Variants in LRRC4C observed in about 807,000 individuals in gnomAD.
LRRC4C encodes leucine-rich repeat-containing protein 4C.
In LRRC4C, 5 loss-of-function variants were observed where a neutral mutation model predicts 33.6. The ratio of observed to expected loss-of-function variants is 0.15; its 90% confidence interval spans 0.08 to 0.31. The LOEUF is 0.31. LRRC4C is among the 10% of genes least tolerant of loss of function. LRRC4C has a pLI of 1.00. For synonymous variants in LRRC4C, 329 were observed against 302.0 expected, an observed-to-expected ratio of 1.09 and a Z score of -0.93; for missense variants, 560 against 796.7, an observed-to-expected ratio of 0.70 and a Z score of 3.58.
At chr11:40,692,581 T>A (rs1043556432) in intron 2 of LRRC4C, among the ~76,000 whole-genome samples, 52 of 151,822 alleles carry the variant, frequency 3.4e-4, no homozygotes, top group African/African-American at 1.3e-3. Flanking sequence ...GAAAAGCCCT[T>A]TTTTTTTGCT....
intron 1 of LRRC4C, among the ~76,000 whole-genome samples, chr11:41,103,679 A>G (rs1941333473): frequency 6.6e-6 from 1 of 151,994 alleles, no homozygotes; most frequent in Non-Finnish European, 1.5e-5. Context: ...TGCCAGCATA[A>G]TATTTAAAAG....
At chr11:40,215,850 A>C (rs1264617556) in intron 5 of LRRC4C, among the ~76,000 whole-genome samples, 1 of 152,144 alleles carries the variant, frequency 6.6e-6, no homozygotes, top group Non-Finnish European at 1.5e-5. Context: ...AGAAGGCAAA[A>C]AGCCTAAGGA....
chr11:41,285,777 G>T (rs1454428672), intron 1 of LRRC4C, among the ~76,000 whole-genome samples: 1 of 152,074 alleles, frequency 6.6e-6, no homozygotes, highest in Non-Finnish European at 1.5e-5. Context: ...TAATGTCATG[G>T]TCATTACATG....
chr11:40,971,797 C>T, intron 1 of LRRC4C, among the ~76,000 whole-genome samples: 1 of 152,160 alleles, frequency 6.6e-6, no homozygotes, highest in East Asian at 1.9e-4. Flanking sequence ...CTACCCAAAG[C>T]CATAGGAGCC....
chr11:40,170,795 A>G (rs1442322822), intron 5 of LRRC4C, among the ~76,000 whole-genome samples: 1 of 152,210 alleles, frequency 6.6e-6, no homozygotes, highest in Non-Finnish European at 1.5e-5. Flanking sequence ...CTTCCAACAC[A>G]TGAGCAAGAA....
intron 2 of LRRC4C, among the ~76,000 whole-genome samples, chr11:40,689,172 G>T (rs982816306): frequency 6.6e-6 from 1 of 151,978 alleles, no homozygotes; most frequent in Non-Finnish European, 1.5e-5. Flanking sequence ...CAATGGTTTT[G>T]ATTCTGGAAT....
At chr11:40,317,982 CAT>C (rs2136821811) in intron 4 of LRRC4C, among the ~76,000 whole-genome samples, 1 of 152,132 alleles carries the variant, frequency 6.6e-6, no homozygotes, top group South Asian at 2.1e-4. Flanking sequence ...TTTAAGCTTA[CAT>C]ATTAGCTTCC....
At chr11:40,784,698 C>T (rs550589942) in intron 2 of LRRC4C, among the ~76,000 whole-genome samples, 39 of 152,258 alleles carry the variant, frequency 2.6e-4, no homozygotes, top group African/African-American at 8.7e-4. Flanking sequence ...TTCATCCTAT[C>T]ATAGCACATG....
intron 2 of LRRC4C, among the ~76,000 whole-genome samples, chr11:40,743,528 G>C (rs1948265521): frequency 6.6e-6 from 1 of 151,966 alleles, no homozygotes; most frequent in South Asian, 2.1e-4. Context: ...TATATTATAG[G>C]GTTGTAAGAT....
chr11:41,093,826 T>A (rs537155917), intron 1 of LRRC4C, among the ~76,000 whole-genome samples: 1 of 147,546 alleles, frequency 6.8e-6, no homozygotes, highest in Admixed American at 7.0e-5. Flanking sequence ...GCCCGGTGGA[T>A]CACATCTATA....
At chr11:41,283,380 T>C in intron 1 of LRRC4C, among the ~76,000 whole-genome samples, 1 of 152,208 alleles carries the variant, frequency 6.6e-6, no homozygotes, top group East Asian at 1.9e-4. Context: ...CCACAGGGGA[T>C]GTTACTAGGT....
intron 2 of LRRC4C, among the ~76,000 whole-genome samples, chr11:40,708,275 T>C (rs1207726448): frequency 6.6e-6 from 1 of 152,184 alleles, no homozygotes; most frequent in African/African-American, 2.4e-5. Flanking sequence ...TGTTTGCTCT[T>C]GCTTCTCTAG....
chr11:40,968,208 C>T (rs945055851), intron 1 of LRRC4C, among the ~76,000 whole-genome samples: 2 of 151,984 alleles, frequency 1.3e-5, no homozygotes, highest in Non-Finnish European at 2.9e-5. Context: ...CAAAGCTTAG[C>T]CCAGAGGAAG....
chr11:40,244,987 A>G (rs2136125643), intron 4 of LRRC4C, among the ~76,000 whole-genome samples: 1 of 152,326 alleles, frequency 6.6e-6, no homozygotes, highest in African/African-American at 2.4e-5. Flanking sequence ...TTGCATTATT[A>G]ACATCAATAG....
chr11:40,173,259 A>T (rs1020402992), intron 5 of LRRC4C, among the ~76,000 whole-genome samples: 1 of 152,092 alleles, frequency 6.6e-6, no homozygotes, highest in Non-Finnish European at 1.5e-5. Flanking sequence ...CTATGTTTTC[A>T]TTTTTGTTGC....
chr11:41,327,680 G>C (rs1057493065), intron 1 of LRRC4C, among the ~76,000 whole-genome samples: 5 of 152,140 alleles, frequency 3.3e-5, no homozygotes, highest in Admixed American at 1.3e-4. Flanking sequence ...TGATCCCCAC[G>C]TGTCATGGGA....
chr11:40,489,417 A>T (rs1293185490), intron 3 of LRRC4C, among the ~76,000 whole-genome samples: 1 of 151,952 alleles, frequency 6.6e-6, no homozygotes, highest in African/African-American at 2.4e-5. Context: ...CCTCACCTAC[A>T]CGCATACTCA....
chr11:41,098,461 C>T (rs1243661362), intron 1 of LRRC4C, among the ~76,000 whole-genome samples: 4 of 152,098 alleles, frequency 2.6e-5, no homozygotes, highest in South Asian at 2.1e-4. Context: ...TGGCTTTCTG[C>T]AAAATCAGAT....
chr11:41,355,737 T>G (rs1952138824), intron 1 of LRRC4C, among the ~76,000 whole-genome samples: 1 of 152,244 alleles, frequency 6.6e-6, no homozygotes. Context: ...TATCCATTTT[T>G]GGGGATAAAA....
Sources: allele counts gnomAD v4.1 joint callset (sites outside exome capture counted in the v4.1 genomes callset), GRCh38; gene constraint gnomAD v4.1.1; transcripts MANE v1.5; gene names NCBI Gene and HGNC (gene_info 2026-07-23, HGNC 2026-07-21).